Variants in KIF2C observed in about 807,000 individuals in gnomAD.
KIF2C encodes the protein kinesin-like protein KIF2C.
A neutral mutation model predicts 97.4 loss-of-function variants in KIF2C; 34 were observed. The ratio of observed to expected loss-of-function variants is 0.35; its 90% CI spans 0.27 to 0.46. KIF2C has a LOEUF of 0.46. Among genes scored for constraint, KIF2C ranks in the 20% least tolerant of loss-of-function variants. The pLI is 1.00. For missense variants in KIF2C, 750 were observed against 907.6 expected, an observed-to-expected ratio of 0.83 and a Z score of 2.23; for synonymous variants, 313 against 318.2, an observed-to-expected ratio of 0.98 and a Z score of 0.17.
chr1:44,759,098 T>C (rs1409551354), intron 13 of KIF2C, 108 bp from the exon 14 acceptor site: 2 of 1,422,118 alleles, frequency 1.4e-6, no homozygotes, highest in Non-Finnish European at 1.9e-6. Context: ...TTCTCTGCCT[T>C]TCCTGCTGCT....
Position 44,757,923 on chromosome 1 carries a change from C to T in KIF2C, c.1084C>T (p.Leu362Phe). 2 of 1,614,182 alleles carry T rather than the reference C, an allele frequency of 1.2e-6. No individual in the cohort carries two copies. Among genetic ancestry groups the T allele is most frequent in the Non-Finnish European group, 1.7e-6 (2 of 1,180,036 alleles). ...CCCTTTGCAGACTATGGGCGGAGAC[C>T]TCTCTGGGAAAGCCCAGAATGCATC... ...SGKTHTMGGD[L>F]SGKAQNASKG... Residue 362 changes from leucine (L) to phenylalanine (F), a missense_variant, in exon 12 of 21, where the codon CTC becomes TTC. By Grantham distance (22) the Leu-to-Phe change is conservative. Coordinates refer to ENST00000372224, the MANE Select transcript of KIF2C (RefSeq NM_006845.4).
At chr1:44,754,668 G>C in intron 7 of KIF2C, 82 bp from the exon 8 acceptor site, 1 of 839,576 alleles carries the variant, frequency 1.2e-6, no homozygotes, top group Admixed American at 1.7e-5. Flanking sequence ...GGTGAGCAAA[G>C]AGCTGTTGCT....
rs1650011994 is a variant in KIF2C, at chr1:44,759,277, G to A, written c.1296G>A (p.Val432=). The A allele has an allele frequency of 6.2e-7, 1 of 1,614,050 alleles. No individual in the cohort carries two copies. The highest frequency in any genetic ancestry group is 1.7e-5 in the Admixed American group (1 of 60,002). The part of the protein sequence containing the change: ...LEDGKQQVQV[V]GLQEHLVNSA... ...ACGGCAAGCAACAGGTGCAAGTGGT[G>A]GGGCTGCAGGAGCATCTGGTTAACT... Residue 432 remains valine, a synonymous_variant, in exon 14 of 21, where the codon GTG becomes GTA. Transcript: ENST00000372224.
At chr1:44,763,806 C>T (rs971930627) in intron 19 of KIF2C, among the ~76,000 whole-genome samples, 14 of 152,052 alleles carry the variant, frequency 9.2e-5, no homozygotes, top group African/African-American at 2.9e-4. Context: ...GAGGCCGAGG[C>T]GGGTGGATCA....
At chr1:44,753,701 T>C (rs1194187981) in intron 6 of KIF2C, 32 bp from the exon 7 acceptor site, 1 of 1,453,930 alleles carries the variant, frequency 6.9e-7, no homozygotes, top group Non-Finnish European at 9.4e-7. Context: ...GTGGGCTTCC[T>C]TTTTTTTTCT....
At chr1:44,750,750 T>G (rs1160080474) in intron 5 of KIF2C, among the ~76,000 whole-genome samples, 186 bp downstream of exon 5, 1 of 152,212 alleles carries the variant, frequency 6.6e-6, no homozygotes, top group Non-Finnish European at 1.5e-5. Context: ...ATTGAAACAT[T>G]ACACACACAT....
At chr1:44,759,155 GGGGTGCC>G in intron 13 of KIF2C, 44 bp from the exon 14 acceptor site, 2 of 1,609,778 alleles carry the variant, frequency 1.2e-6, no homozygotes. Flanking sequence ...GCAGTCGGGT[GGGGTGCC>G]GGGTGCCCAG....
At chr1:44,759,950 A>G (rs1650052229) in intron 14 of KIF2C, among the ~76,000 whole-genome samples, 1 of 152,172 alleles carries the variant, frequency 6.6e-6, no homozygotes, top group Non-Finnish European at 1.5e-5. Context: ...AGGGTCCTCA[A>G]GTTCTGGCAG....
At chr1:44,750,283 G>T in intron 4 of KIF2C, 159 bp from the exon 5 acceptor site, 2 of 683,998 alleles carry the variant, frequency 2.9e-6, no homozygotes, top group Non-Finnish European at 4.3e-6. Flanking sequence ...ACTGGTACTT[G>T]GTCTTTCTAA....
At chr1:44,740,294 A>T (rs1442825979) in intron 1 of KIF2C, among the ~76,000 whole-genome samples, 1 of 151,838 alleles carries the variant, frequency 6.6e-6, no homozygotes, top group Middle Eastern at 3.2e-3. Flanking sequence ...CCCTTCCAAA[A>T]TTCTCCCCTG....
intron 19 of KIF2C, among the ~76,000 whole-genome samples, chr1:44,763,887 G>T (rs1424376978): frequency 6.6e-6 from 1 of 152,074 alleles, no homozygotes; most frequent in African/African-American, 2.4e-5. Flanking sequence ...CAAAAAATTA[G>T]CCGAGTATGG....
chr1:44,747,234 G>A, intron 2 of KIF2C, 150 bp from the exon 3 acceptor site: 1 of 645,870 alleles, frequency 1.5e-6, no homozygotes, highest in South Asian at 1.8e-5. Flanking sequence ...CTTGGACCCA[G>A]GAGGCAGAGG....
chr1:44,757,744 T>TA, intron 11 of KIF2C, 98 bp downstream of exon 11: 1 of 1,096,618 alleles, frequency 9.1e-7, no homozygotes, highest in South Asian at 1.3e-5. Context: ...GGCCCCTTGT[T>TA]ACAGATGCCC....
intron 2 of KIF2C, 74 bp from the exon 3 acceptor site, chr1:44,747,310 A>C: frequency 9.5e-7 from 1 of 1,058,032 alleles, no homozygotes; most frequent in Non-Finnish European, 1.3e-6. Flanking sequence ...TCTGTCTCAA[A>C]AAAAAAAAAA....
intron 7 of KIF2C, 64 bp from the exon 8 acceptor site, chr1:44,754,686 C>T: frequency 1.1e-6 from 1 of 923,738 alleles, no homozygotes; most frequent in Non-Finnish European, 1.8e-6. Context: ...GCTGCTGCCG[C>T]ATAGGGGTCT....
chr1:44,744,078 GTT>G (rs745353039), intron 2 of KIF2C, among the ~76,000 whole-genome samples: 65 of 127,160 alleles, frequency 5.1e-4, no homozygotes, highest in East Asian at 2.8e-3. Flanking sequence ...TCAAGCTCTG[GTT>G]TTTTTTTTTG....
At chr1:44,757,731 A>T in intron 11 of KIF2C, 85 bp downstream of exon 11, 1 of 1,160,132 alleles carries the variant, frequency 8.6e-7, no homozygotes, top group Non-Finnish European at 1.3e-6. Context: ...GTTTGTTGAG[A>T]AAGGCCCCTT....
At position 44,760,812 on chromosome 1, in the gene KIF2C, GGTTT is replaced by G; in HGVS notation, c.1683+111_1683+114del. 1.2e-6 allele frequency: 1 copy of G among 869,392 alleles called. No homozygotes were observed. Among genetic ancestry groups the G allele is most frequent in the Non-Finnish European group, 1.9e-6 (1 of 539,750 alleles). 53.9% of individuals were successfully genotyped at this position (869,392 alleles called of 1,614,324 possible). On this transcript the variant is annotated intron_variant, in intron 16 of 20. Coordinates refer to ENST00000372224, the MANE Select transcript of KIF2C (RefSeq NM_006845.4). The surrounding 1 kb of genome is among the most constrained non-coding windows in gnomAD (Gnocchi z 4.2). The stretch of plus-strand genomic sequence containing the variant: ...GAAGCTCAGCACTGCTGGCTGCCTG[GGTTT>G]CCAGGCTGTACCGTGACTGGGCTTC...
At chr1:44,762,514 A>G in intron 18 of KIF2C, 31 bp from the exon 19 acceptor site, 1 of 1,610,318 alleles carries the variant, frequency 6.2e-7, no homozygotes, top group Non-Finnish European at 8.5e-7. Flanking sequence ...CACCTGGGTC[A>G]CATAATTGTC....
Sources: allele counts gnomAD v4.1 joint callset (sites outside exome capture counted in the v4.1 genomes callset), GRCh38; gene constraint gnomAD v4.1.1; non-coding constraint Gnocchi (gnomAD v3.1); transcripts MANE v1.5; gene names NCBI Gene and HGNC (gene_info 2026-07-23, HGNC 2026-07-21).